TNFRSF25: variants seen among roughly 807,000 people sequenced by gnomAD.
TNFRSF25 encodes tumor necrosis factor receptor superfamily member 25.
TNFRSF25 carries 28 observed loss-of-function variants against 49.4 expected under a neutral mutation model. The observed-to-expected ratio is 0.57, with a 90% confidence interval of 0.42 to 0.78. TNFRSF25 has a LOEUF of 0.78. Ranked by LOEUF, TNFRSF25 falls within the 30% of genes least tolerant of loss-of-function variation. The pLI, the probability that TNFRSF25 is intolerant of heterozygous loss-of-function variation, is 0.00. For missense variants in TNFRSF25, 531 were observed against 581.6 expected, an observed-to-expected ratio of 0.91 and a Z score of 0.90; for synonymous variants, 240 against 234.2, an observed-to-expected ratio of 1.02 and a Z score of -0.23.
At position 6,460,793 on chromosome 1, in the gene TNFRSF25, T is replaced by C. The variant is rs1426420133; in HGVS notation, c.*641A>G. 9.8e-6 allele frequency: 2 copies of C among 203,470 alleles called. No individual in the cohort carries two copies. Among genetic ancestry groups the C allele is most frequent in the Non-Finnish European group, 2.0e-5 (2 of 99,146 alleles). The allele number at this position is 203,470 out of a possible 1,614,324, so 12.6% of individuals were successfully genotyped here. A position where few individuals can be genotyped will look rare whatever the true frequency, so the allele number is the denominator to read the frequency against. Reference sequence around the variant, plus strand: ...GCGCCCCGTCCCCAGCCAGACCCACTCGCTGCCGGGACCCTTTCACTGCCC... The same window carrying C: ...GCGCCCCGTCCCCAGCCAGACCCACCCGCTGCCGGGACCCTTTCACTGCCC... On this transcript the variant is annotated 3_prime_UTR_variant, in exon 10 of 10. Transcript: ENST00000356876.
Position 6,460,971 on chromosome 1 carries a change from CCTT to C in TNFRSF25, c.*460_*462del, listed in dbSNP as rs1644154022. ...TCGCTGTGGCCGCGACTTGCTCTCT[CCTT>C]CTCGGGGTAATTGAGCCAGAGTGGA... On this transcript the variant is annotated 3_prime_UTR_variant, in exon 10 of 10. Coordinates refer to ENST00000356876, the MANE Select transcript of TNFRSF25 (RefSeq NM_003790.3). 3 of 375,676 alleles carry C rather than the reference CCTT, an allele frequency of 8.0e-6. No homozygotes were observed. The highest frequency in any genetic ancestry group is 4.2e-5 in the South Asian group (2 of 47,902). 23.3% of individuals were successfully genotyped at this position (375,676 alleles called of 1,614,324 possible). A position where few individuals can be genotyped will look rare whatever the true frequency, so the allele number is the denominator to read the frequency against.
intron 2 of TNFRSF25, 63 bp downstream of exon 2, chr1:6,465,377 G>GCCTGCCCGCCACCTCTCCAGC: frequency 6.2e-7 from 1 of 1,608,254 alleles, no homozygotes; most frequent in Non-Finnish European, 8.5e-7. Flanking sequence ...TACCTCCCGG[G>GCCTGCCCGCCACCTCTCCAGC]CCTGCCCGCC....
chr1:6,465,410 C>T (rs772563927), intron 2 of TNFRSF25, 30 bp downstream of exon 2: 5 of 1,613,582 alleles, frequency 3.1e-6, no homozygotes, highest in Non-Finnish European at 3.4e-6. Flanking sequence ...CTGCCTGCCC[C>T]ATGCCTCTCC....
In TNFRSF25 at chr1:6,462,184, A is replaced by G. The variant is rs61780714; in HGVS notation, c.745-10T>C. 2.2e-3 allele frequency: 3,440 copies of G among 1,595,928 alleles called. 9 individuals are homozygous for G. Among genetic ancestry groups the G allele is most frequent in the Non-Finnish European group, 2.7e-3 (3,155 of 1,170,088 alleles). On this transcript the variant is annotated splice_polypyrimidine_tract_variant and intron_variant, in intron 8 of 9. Transcript: ENST00000356876. The surrounding 1 kb of genome is among the most constrained non-coding windows in gnomAD (Gnocchi z 4.2). The stretch of plus-strand genomic sequence containing the variant: ...GTGACAGATGGGTGGCCTGGAAGCC[A>G]AGAGGGGCCCCAGGTCAGCCCTGCT...
In TNFRSF25 at chr1:6,465,424, C is replaced by T. The variant is rs1028574183; in HGVS notation, c.160+16G>A. On this transcript the variant is annotated intron_variant, in intron 2 of 9. Coordinates refer to ENST00000356876, the MANE Select transcript of TNFRSF25 (RefSeq NM_003790.3). ...CCTGCCTGCCCCATGCCTCTCCCAC[C>T]CCTGTGGCCACTTACCCGCTGGGCA... 3 of 1,613,922 alleles carry T rather than the reference C, an allele frequency of 1.9e-6. No individual in the cohort carries two copies. Among genetic ancestry groups the T allele is most frequent in the Non-Finnish European group, 2.5e-6 (3 of 1,179,996 alleles).
At position 6,465,510 on chromosome 1, in the gene TNFRSF25, G is replaced by C; in HGVS notation, c.90C>G (p.Ser30Arg). The C allele has an allele frequency of 6.2e-7, 1 of 1,613,784 alleles. No homozygotes were observed. The highest frequency in any genetic ancestry group is 8.5e-7 in the Non-Finnish European group (1 of 1,179,968). The change falls in exon 2 of 10, where the codon AGC (serine) becomes AGG (arginine). Residue 30 changes from serine to arginine, a missense_variant. By Grantham distance (110) the Ser-to-Arg change is moderately radical. Transcript: ENST00000356876. The stretch of plus-strand genomic sequence containing the variant: ...AGTCACCGGCACAGTCACACCTGGG[G>C]CTACGAGTGCCGCCCTGGGCCCGGG... ...LGARAQGGTR[S>R]PRCDCAGDFH...
Position 6,462,529 on chromosome 1 carries a change from G to C in TNFRSF25, c.744+100C>G. 1.3e-6 allele frequency: 2 copies of C among 1,551,660 alleles called. No homozygotes were observed. The highest frequency in any genetic ancestry group is 1.7e-6 in the Non-Finnish European group (2 of 1,150,304). The stretch of plus-strand genomic sequence containing the variant: ...GCTCCCAACACCTCTGTCCACTAGG[G>C]CTACCCGGTGCTGGCCGCGTGCCAA... On this transcript the variant is annotated intron_variant, in intron 8 of 9. Coordinates refer to ENST00000356876, the MANE Select transcript of TNFRSF25 (RefSeq NM_003790.3). This position sits in a 1 kb window ranked among gnomAD's most constrained non-coding sequence, Gnocchi z 4.2.
At position 6,462,143 on chromosome 1, in the gene TNFRSF25, T is replaced by C. The variant is rs1172501948; in HGVS notation, c.776A>G (p.His259Arg). ...ATHLSPLDSA[H>R]TLLAPPDSSE... is the part of the protein sequence containing the mutation. ...GCTGTCAGGAGGTGCTAGAAGGGTG[T>C]GGGCGCTGTCCAAGGGTGACAGATG... The change falls in exon 9 of 10, where the codon CAC becomes CGC. Residue 259 changes from histidine (H) to arginine (R), a missense_variant. Physicochemically the swap from His to Arg is conservative, Grantham distance 29. Coordinates refer to ENST00000356876, the MANE Select transcript of TNFRSF25 (RefSeq NM_003790.3). The surrounding 1 kb of genome is among the most constrained non-coding windows in gnomAD (Gnocchi z 4.2). The C allele has an allele frequency of 1.2e-6, 2 of 1,612,880 alleles. No homozygotes were observed. The highest frequency in any genetic ancestry group is 1.7e-5 in the Admixed American group (1 of 59,764).
intron 1 of TNFRSF25, 142 bp downstream of exon 1, chr1:6,465,927 G>A (rs757638353): frequency 4.1e-6 from 6 of 1,448,174 alleles, no homozygotes; most frequent in Non-Finnish European, 4.5e-6. Flanking sequence ...CGCCCTGGAG[G>A]AGCCTTTAAC....
rs954963632 is a variant in TNFRSF25, at chr1:6,462,471, G to A, written c.744+158C>T. ...GCTGACTGAGCACCCCTTGAGGGCAGGCACTGTGCTGGTCTCATCCACTGA... is the reference window on the plus strand; with the variant it reads ...GCTGACTGAGCACCCCTTGAGGGCAAGCACTGTGCTGGTCTCATCCACTGA... On this transcript the variant is annotated intron_variant, in intron 8 of 9. Transcript: ENST00000356876. This position sits in a 1 kb window ranked among gnomAD's most constrained non-coding sequence, Gnocchi z 4.2. 2.7e-6 allele frequency: 4 copies of A among 1,484,722 alleles called. No individual in the cohort carries two copies. The highest frequency in any genetic ancestry group is 2.5e-5 in the Admixed American group (1 of 40,714). 92.0% of individuals were successfully genotyped at this position (1,484,722 alleles called of 1,614,324 possible).
chr1:6,461,455 G>A lies in TNFRSF25; in HGVS notation c.1233C>T (p.Ser411=), dbSNP rs766215042. The stretch of plus-strand genomic sequence containing the variant: ...CGTGTCACGGGCCGCGCTGCAGGCG[G>A]CTGCGCAAGTCTTCCACGCAGCCGT... ...GLDGCVEDLR[S]RLQRGP The change falls in exon 10 of 10, where the codon AGC becomes AGT. Residue 411 remains serine, a synonymous_variant. Transcript: ENST00000356876. The surrounding 1 kb of genome is among the most constrained non-coding windows in gnomAD (Gnocchi z 6.3). 1.3e-6 allele frequency: 2 copies of A among 1,535,302 alleles called. No individual in the cohort carries two copies. Among genetic ancestry groups the A allele is most frequent in the Admixed American group, 2.0e-5 (1 of 49,434 alleles).
chr1:6,464,744 G>T, intron 3 of TNFRSF25, 25 bp from the exon 4 acceptor site: 1 of 1,607,912 alleles, frequency 6.2e-7, no homozygotes, highest in Non-Finnish European at 8.5e-7. Context: ...GGGAGATGGG[G>T]AGTGGAGAGT....
In TNFRSF25 at chr1:6,461,914, G is replaced by A. The variant is rs1644186594; in HGVS notation, c.925+80C>T. On this transcript the variant is annotated intron_variant, in intron 9 of 9. Coordinates refer to ENST00000356876, the MANE Select transcript of TNFRSF25 (RefSeq NM_003790.3). This position sits in a 1 kb window ranked among gnomAD's most constrained non-coding sequence, Gnocchi z 6.3. ...GACTCCGTCAGTTAGGGGGCAGAAA[G>A]GGAACACGTTGTGAAACCACAACTT... 5.3e-6 allele frequency: 8 copies of A among 1,522,980 alleles called. No homozygotes were observed. In the South Asian group the frequency reaches 7.6e-5, roughly 14 times the overall value. The allele number at this position is 1,522,980 out of a possible 1,614,324, so 94.3% of individuals were successfully genotyped here. A position where few individuals can be genotyped will look rare whatever the true frequency, so the allele number is the denominator to read the frequency against.
At chr1:6,463,230 C>T in intron 5 of TNFRSF25, 103 bp from the exon 6 acceptor site, 2 of 1,170,190 alleles carry the variant, frequency 1.7e-6, no homozygotes, top group Non-Finnish European at 2.4e-6. Context: ...CTTCCCTCCC[C>T]AGGCCTCTCA....
Position 6,464,674 on chromosome 1 carries a change from C to G in TNFRSF25, c.341G>C (p.Arg114Pro). ...AAACCAGCCTGGCTTACAGCCACAG[C>G]GGGTGTCGGCCACTGCTGAACAGTT... ...LENCSAVADT[R>P]CGCKPGWFVE... The change falls in exon 4 of 10, where the codon CGC becomes CCC. Residue 114 changes from arginine to proline, a missense_variant. Coordinates refer to ENST00000356876, the MANE Select transcript of TNFRSF25 (RefSeq NM_003790.3). 6.2e-7 allele frequency: 1 copy of G among 1,613,992 alleles called. No individual in the cohort carries two copies. Among genetic ancestry groups the G allele is most frequent in the Non-Finnish European group, 8.5e-7 (1 of 1,180,026 alleles).
Position 6,461,725 on chromosome 1 carries a change from T to C in TNFRSF25, c.963A>G (p.Pro321=), listed in dbSNP as rs770626215. ...AAAPTLSPES[P]AGSPAMMLQP... ...GCAGCATCATGGCTGGCGAGCCGGC[T>C]GGGGACTCTGGCGAGAGTGTGGGCG... The change falls in exon 10 of 10, where the codon CCA becomes CCG. Residue 321 remains proline, a synonymous_variant. Transcript: ENST00000356876. The surrounding 1 kb of genome is among the most constrained non-coding windows in gnomAD (Gnocchi z 6.3). The C allele has an allele frequency of 7.1e-6, 11 of 1,548,580 alleles. No homozygotes were observed. In the East Asian group the frequency reaches 2.6e-4, roughly 37 times the overall value.
chr1:6,464,004 G>A, intron 5 of TNFRSF25: 1 of 468,544 alleles, frequency 2.1e-6, no homozygotes, highest in Non-Finnish European at 2.9e-6. Context: ...TCGCTCTGTT[G>A]CCCAGGCTGA....
chr1:6,465,759 G>T (rs1231656222), intron 1 of TNFRSF25, 199 bp from the exon 2 acceptor site: 2 of 1,426,568 alleles, frequency 1.4e-6, no homozygotes, highest in South Asian at 1.5e-5. Flanking sequence ...CGGAGGGGGC[G>T]CTTACCAGCC....
At chr1:6,465,275 G>A (rs2274510) in intron 2 of TNFRSF25, 53 bp from the exon 3 acceptor site, 94,603 of 1,571,980 alleles carry the variant, frequency 0.06, 3,445 homozygotes, top group African/African-American at 0.16. Context: ...AGCAACCCCC[G>A]ACCTGCTTCC....
Sources: allele counts gnomAD v4.1 joint callset, GRCh38; gene constraint gnomAD v4.1.1; non-coding constraint Gnocchi (gnomAD v3.1); transcripts MANE v1.5; gene names NCBI Gene and HGNC (gene_info 2026-07-23, HGNC 2026-07-21).